Variants in GLIS3 observed in about 807,000 individuals in gnomAD.
GLIS3 encodes the protein GLIS family zinc finger 3, also known as zinc finger protein GLIS3.
GLIS3 carries 53 observed loss-of-function variants against 78.6 expected under a neutral mutation model. That is an observed-to-expected ratio of 0.67 (90% CI 0.54 to 0.85). GLIS3 has a LOEUF of 0.85. Ranked by LOEUF, GLIS3 falls within the 40% of genes least tolerant of loss-of-function variation. The pLI, the probability that GLIS3 is intolerant of heterozygous loss-of-function variation, is 0.00. For missense variants in GLIS3, 1,703 were observed against 1,231.1 expected, an observed-to-expected ratio of 1.38 and a Z score of -5.74; for synonymous variants, 684 against 509.9, an observed-to-expected ratio of 1.34 and a Z score of -4.60.
intron 2 of GLIS3, among the ~76,000 whole-genome samples, chr9:4,194,748 C>T (rs1298701999): frequency 6.6e-6 from 1 of 152,198 alleles, no homozygotes; most frequent in African/African-American, 2.4e-5. Flanking sequence ...CTCTGTGACT[C>T]ACCTTTCCAC....
intron 6 of GLIS3, among the ~76,000 whole-genome samples, chr9:3,901,482 A>G (rs149946347): frequency 0.015 from 2,286 of 152,360 alleles, 24 homozygotes; most frequent in Non-Finnish European, 0.022. Context: ...CCATCTAAAG[A>G]GCTGGTTGCT....
intron 2 of GLIS3, among the ~76,000 whole-genome samples, chr9:4,325,910 A>T (rs1382606443): frequency 6.6e-6 from 1 of 152,192 alleles, no homozygotes; most frequent in African/African-American, 2.4e-5. Context: ...TGGGACATGG[A>T]TCGAGCTGGA....
At chr9:4,103,583 G>A (rs1830536911) in intron 4 of GLIS3, among the ~76,000 whole-genome samples, 1 of 152,154 alleles carries the variant, frequency 6.6e-6, no homozygotes, top group South Asian at 2.1e-4. Flanking sequence ...CTTCCAGTCT[G>A]TTCCTGGACT....
At chr9:3,864,841 G>C (rs937099832) in intron 8 of GLIS3, among the ~76,000 whole-genome samples, 9 of 152,168 alleles carry the variant, frequency 5.9e-5, no homozygotes, top group African/African-American at 2.2e-4. Context: ...TCAGATACTT[G>C]CTACTGTTGC....
chr9:4,382,910 T>C, the GLIS3 span, among the ~76,000 whole-genome samples: 5 of 152,316 alleles, frequency 3.3e-5, no homozygotes, highest in East Asian at 9.6e-4. Flanking sequence ...CTAATTAATA[T>C]TTCTGGCCCA....
rs947953396 is a variant in GLIS3 at position 4,112,925 on chromosome 9, A to C, written c.1710+4843T>G. On this transcript the variant is annotated intron_variant, in intron 4 of 10. Transcript: ENST00000381971. ...AAAACCCTCACATCCCATCTCTTTTATTTCTTTCCTTTTGAGATGTAACCA... is the reference window on the plus strand; with the variant it reads ...AAAACCCTCACATCCCATCTCTTTTCTTTCTTTCCTTTTGAGATGTAACCA... Among the ~76,000 whole-genome samples the C allele has an allele frequency of 3.9e-5, 6 of 152,072 alleles. No homozygotes were observed. The East Asian group carries it at 7.7e-4, about 20-fold the overall frequency.
At chr9:4,231,223 G>T (rs771337245) in intron 2 of GLIS3, among the ~76,000 whole-genome samples, 15 of 152,088 alleles carry the variant, frequency 9.9e-5, no homozygotes, top group Non-Finnish European at 1.3e-4. Flanking sequence ...GAAAATAAAA[G>T]TACAGTCAAC....
intron 4 of GLIS3, among the ~76,000 whole-genome samples, chr9:4,087,090 A>G (rs965562197): frequency 6.6e-6 from 1 of 152,244 alleles, no homozygotes; most frequent in Non-Finnish European, 1.5e-5. Flanking sequence ...AAATGAAAAT[A>G]AAAGGAATAA....
At chr9:4,223,054 G>C (rs1821468434) in intron 2 of GLIS3, among the ~76,000 whole-genome samples, 1 of 152,072 alleles carries the variant, frequency 6.6e-6, no homozygotes, top group Non-Finnish European at 1.5e-5. Context: ...ATCACTTTTT[G>C]AGTACAGACA....
rs769841457 is a variant in GLIS3, at chr9:4,286,196, C to G, written c.230G>C (p.Ser77Thr). The G allele has an allele frequency of 4.3e-6, 7 of 1,614,238 alleles. No homozygotes were observed. In the South Asian group the frequency reaches 6.6e-5, roughly 15 times the overall value. The change falls in exon 2 of 11, where the codon AGC becomes ACC. Residue 77 changes from serine (S) to threonine (T), a missense_variant. Ser to Thr is a moderately conservative substitution (Grantham distance 58, BLOSUM62 1). Coordinates refer to ENST00000381971, the MANE Select transcript of GLIS3 (RefSeq NM_001042413.2). ...GMAPQNNVAESRIHLPALSPR... is the reference protein window; with the variant it reads ...GMAPQNNVAETRIHLPALSPR... ...GCTTAAGGCAGGCAGATGGATGCGG[C>G]TCTCAGCCACGTTGTTCTGAGGAGC...
At chr9:3,833,544 T>G (rs1293936223) in intron 9 of GLIS3, among the ~76,000 whole-genome samples, 3 of 151,674 alleles carry the variant, frequency 2.0e-5, no homozygotes, top group Admixed American at 1.3e-4. Flanking sequence ...AACCTGAGAG[T>G]GGTGGCAAGG....
intron 2 of GLIS3, among the ~76,000 whole-genome samples, chr9:4,276,352 GGGAGGGAAGGAGAGGGCAC>G (rs1826984562): frequency 2.1e-5 from 1 of 46,524 alleles, no homozygotes; most frequent in Non-Finnish European, 5.0e-5. Context: ...GAGAGGGCAC[GGGAGGGAAGGAGAGGGCAC>G]GGGAGGGGAG....
chr9:4,376,384 G>A, the GLIS3 span, among the ~76,000 whole-genome samples: 2 of 152,156 alleles, frequency 1.3e-5, no homozygotes, highest in Non-Finnish European at 2.9e-5. Flanking sequence ...AAAAAACAAT[G>A]GAAGACATTA....
chr9:4,107,277 G>A (rs1021829230), intron 4 of GLIS3, among the ~76,000 whole-genome samples: 4 of 152,140 alleles, frequency 2.6e-5, no homozygotes, highest in African/African-American at 9.7e-5. Context: ...CCAATACTCG[G>A]TGTTTAAGTG....
intron 2 of GLIS3, among the ~76,000 whole-genome samples, chr9:4,185,355 A>C (rs1817690619): frequency 6.6e-6 from 1 of 152,206 alleles, no homozygotes; most frequent in Non-Finnish European, 1.5e-5. Flanking sequence ...TCCATTCACC[A>C]GCTGATGGAC....
At chr9:4,411,036 T>C in the GLIS3 span, among the ~76,000 whole-genome samples, 11 of 152,328 alleles carry the variant, frequency 7.2e-5, no homozygotes, top group Non-Finnish European at 1.2e-4. Context: ...AAAACAAGTA[T>C]GTAAAATTTA....
chr9:4,225,927 T>C (rs1211508673), intron 2 of GLIS3, among the ~76,000 whole-genome samples: 1 of 152,202 alleles, frequency 6.6e-6, no homozygotes, highest in Non-Finnish European at 1.5e-5. Context: ...TAACTCAACA[T>C]TCTATGAGTG....
chr9:4,374,631 T>C, the GLIS3 span, among the ~76,000 whole-genome samples: 3 of 152,340 alleles, frequency 2.0e-5, no homozygotes, highest in Admixed American at 2.0e-4. Context: ...AGGCTGTCAA[T>C]CAGGGCATCT....
intron 4 of GLIS3, among the ~76,000 whole-genome samples, chr9:4,080,058 T>A (rs1260530835): frequency 2.6e-5 from 4 of 152,244 alleles, no homozygotes; most frequent in African/African-American, 4.8e-5. Context: ...ATTGTAAAAG[T>A]GTTTGTGCAG....
Sources: gnomAD v4.1 joint callset for allele counts (sites outside exome capture counted in the v4.1 genomes callset) on GRCh38, gnomAD v4.1.1 for gene constraint, MANE v1.5 for transcripts, NCBI Gene and HGNC (gene_info 2026-07-23, HGNC 2026-07-21) for gene names.